FTO: variants seen among roughly 807,000 people sequenced by gnomAD.
FTO encodes alpha-ketoglutarate-dependent dioxygenase FTO.
In FTO, 47 loss-of-function variants were observed where a neutral mutation model predicts 63.9. The ratio of observed to expected loss-of-function variants is 0.74; its 90% CI spans 0.58 to 0.94. FTO has a LOEUF of 0.94. Ranked by LOEUF, FTO falls within the 40% of genes least tolerant of loss-of-function variation. The pLI is 0.00. For missense variants in FTO, 562 were observed against 618.1 expected (o/e 0.91, Z 0.96); for synonymous variants, 207 against 224.4 (o/e 0.92, Z 0.69).
intron 1 of FTO, among the ~76,000 whole-genome samples, chr16:53,731,172 A>T (rs2151511816): frequency 6.6e-6 from 1 of 152,276 alleles, no homozygotes; most frequent in African/African-American, 2.4e-5. Flanking sequence ...ATTTGAGAGG[A>T]CATTGGAGAG....
At chr16:53,728,417 T>G (rs2076199078) in intron 1 of FTO, among the ~76,000 whole-genome samples, 1 of 152,130 alleles carries the variant, frequency 6.6e-6, no homozygotes, top group Non-Finnish European at 1.5e-5. Flanking sequence ...CTTCCTTTTT[T>G]CTCCTTCCCT....
intron 1 of FTO, among the ~76,000 whole-genome samples, chr16:53,777,501 T>C (rs2077488824): frequency 6.6e-6 from 1 of 152,222 alleles, no homozygotes; most frequent in Non-Finnish European, 1.5e-5. Context: ...TATATTAAAA[T>C]CTGTTGATCT....
intron 8 of FTO, among the ~76,000 whole-genome samples, chr16:54,016,394 C>CTAGG (rs1374311340): frequency 6.6e-6 from 1 of 152,104 alleles, no homozygotes; most frequent in Non-Finnish European, 1.5e-5. Flanking sequence ...GAGGTATCTC[C>CTAGG]TACCTAGTTG....
intron 7 of FTO, among the ~76,000 whole-genome samples, chr16:53,905,520 C>A (rs1174512367): frequency 6.6e-6 from 1 of 152,194 alleles, no homozygotes; most frequent in African/African-American, 2.4e-5. Context: ...GACCCCTTAA[C>A]TTTCACCTGA....
At chr16:53,881,285 G>C (rs2080826962) in intron 6 of FTO, among the ~76,000 whole-genome samples, 1 of 152,120 alleles carries the variant, frequency 6.6e-6, no homozygotes, top group Non-Finnish European at 1.5e-5. Flanking sequence ...TTATAGGAGA[G>C]GAACCATGAG....
intron 8 of FTO, among the ~76,000 whole-genome samples, chr16:54,005,474 A>AAC (rs1408147288): frequency 1.3e-5 from 2 of 151,328 alleles, no homozygotes; most frequent in Non-Finnish European, 2.9e-5. Context: ...CTAGTATATT[A>AAC]ATGGCTATAT....
At chr16:53,989,550 A>G (rs888431681) in intron 8 of FTO, among the ~76,000 whole-genome samples, 51 of 151,840 alleles carry the variant, frequency 3.4e-4, no homozygotes, top group African/African-American at 1.1e-3. Context: ...AAGAACTTGG[A>G]CTCTATATTC....
At chr16:53,888,411 A>G (rs1488040343) in intron 6 of FTO, among the ~76,000 whole-genome samples, 1 of 152,132 alleles carries the variant, frequency 6.6e-6, no homozygotes, top group East Asian at 1.9e-4. Context: ...TATTAAAAAT[A>G]AAAATAAATT....
chr16:53,787,751 C>T (rs1298714081), intron 1 of FTO, among the ~76,000 whole-genome samples: 1 of 151,898 alleles, frequency 6.6e-6, no homozygotes, highest in Admixed American at 6.6e-5. Flanking sequence ...CCAGGTGGGC[C>T]AAATGACATT....
intron 8 of FTO, among the ~76,000 whole-genome samples, chr16:54,107,183 C>T (rs1388528894): frequency 6.6e-6 from 1 of 151,676 alleles, no homozygotes; most frequent in East Asian, 1.9e-4. Context: ...CCTTGAACTG[C>T]TTCATGAAAG....
At chr16:54,034,352 T>G (rs1398099336) in intron 8 of FTO, among the ~76,000 whole-genome samples, 1 of 152,174 alleles carries the variant, frequency 6.6e-6, no homozygotes, top group African/African-American at 2.4e-5. Flanking sequence ...TGAAAAGAAT[T>G]CCCTTGCTAT....
intron 8 of FTO, among the ~76,000 whole-genome samples, chr16:54,082,416 G>T (rs2086171545): frequency 6.6e-6 from 1 of 152,224 alleles, no homozygotes; most frequent in Non-Finnish European, 1.5e-5. Context: ...GTCAAGTGCA[G>T]CCTGGGGCTT....
At chr16:53,810,115 A>G (rs762763428) in intron 1 of FTO, 25 bp from the exon 2 acceptor site, 9 of 1,523,870 alleles carry the variant, frequency 5.9e-6, no homozygotes, top group East Asian at 2.3e-5. Context: ...ATATTCACTT[A>G]TATGTAATTA....
intron 7 of FTO, among the ~76,000 whole-genome samples, chr16:53,900,365 A>G (rs1187480981): frequency 6.6e-6 from 1 of 152,130 alleles, no homozygotes; most frequent in Non-Finnish European, 1.5e-5. Context: ...AAAATCTGAA[A>G]GTTAAATAGA....
chr16:54,004,874 TC>T (rs2084159582), intron 8 of FTO, among the ~76,000 whole-genome samples: 2 of 151,964 alleles, frequency 1.3e-5, no homozygotes, highest in Admixed American at 1.3e-4. Flanking sequence ...ATCAAGACCA[TC>T]CTGGCTAGTA....
intron 1 of FTO, among the ~76,000 whole-genome samples, chr16:53,783,449 T>C (rs1036902843): frequency 6.6e-6 from 1 of 151,340 alleles, no homozygotes; most frequent in African/African-American, 2.4e-5. Context: ...CTACTAAAAA[T>C]ACAAAAAATT....
At chr16:54,064,834 C>T (rs759315235) in intron 8 of FTO, among the ~76,000 whole-genome samples, 2 of 152,104 alleles carry the variant, frequency 1.3e-5, no homozygotes, top group Non-Finnish European at 2.9e-5. Flanking sequence ...GGAAGCACGC[C>T]AGATAACCGG....
intron 4 of FTO, among the ~76,000 whole-genome samples, chr16:53,869,568 C>G (rs1274292896): frequency 1.3e-5 from 1 of 75,552 alleles, no homozygotes; most frequent in Non-Finnish European, 2.6e-5. Flanking sequence ...AGTCTTTTTT[C>G]TCTTTGCTTT....
intron 4 of FTO, among the ~76,000 whole-genome samples, chr16:53,854,166 A>G (rs2079903314): frequency 6.6e-6 from 1 of 151,240 alleles, no homozygotes; most frequent in Non-Finnish European, 1.5e-5. Flanking sequence ...TTTTAGTGGG[A>G]TTATTTGTTT....
Sources: gnomAD v4.1 joint callset for allele counts (sites outside exome capture counted in the v4.1 genomes callset) on GRCh38, gnomAD v4.1.1 for gene constraint, MANE v1.5 for transcripts, NCBI Gene and HGNC (gene_info 2026-07-23, HGNC 2026-07-21) for gene names.